ITSN1: variants seen among roughly 807,000 people sequenced by gnomAD.
ITSN1 encodes the protein intersectin-1.
Under a neutral mutation model 239.8 loss-of-function variants are expected in ITSN1, and 58 were observed. That is an observed-to-expected ratio of 0.24 (90% CI 0.20 to 0.30). The LOEUF (loss-of-function observed/expected upper bound fraction) is 0.30, where lower values mean the gene tolerates loss of function less well. Among genes scored for constraint, ITSN1 ranks in the 10% least tolerant of loss-of-function variants. The pLI is 1.00. For synonymous variants in ITSN1, 780 were observed against 770.8 expected (o/e 1.01, Z -0.20); for missense variants, 1,558 against 2,103.3 (o/e 0.74, Z 5.07).
chr21:33,761,277 A>G (rs1391138889), intron 8 of ITSN1, among the ~76,000 whole-genome samples: 2 of 152,166 alleles, frequency 1.3e-5, no homozygotes, highest in East Asian at 3.9e-4. Context: ...GGGTTTTGCC[A>G]TCTGGTCTTG....
rs535859847 is a variant in ITSN1 at position 33,782,082 on chromosome 21, A to G, written c.1773A>G (p.Lys591=). 3.7e-6 allele frequency: 6 copies of G among 1,614,024 alleles called. No homozygotes were observed. The South Asian group carries it at 5.5e-5, about 15-fold the overall frequency. Residue 591 remains lysine, a synonymous_variant, in exon 16 of 40, where the codon AAA becomes AAG. Transcript: ENST00000381318. Reference sequence around the variant, plus strand: ...GAGACCAACTGGATGAAGTGGAGAAAGAAACTAGATCAAAACTACAGGAGA... The same window carrying G: ...GAGACCAACTGGATGAAGTGGAGAAGGAAACTAGATCAAAACTACAGGAGA... The part of the protein sequence containing the change: ...HLRDQLDEVE[K]ETRSKLQEID...
At position 33,767,535 on chromosome 21, in the gene ITSN1, A is replaced by G. The variant is rs138179661; in HGVS notation, c.927-178A>G. Among the ~76,000 whole-genome samples, 712 of 152,306 alleles carry G rather than the reference A, an allele frequency of 4.7e-3. 4 individuals are homozygous for G. The highest frequency in any genetic ancestry group is 0.017 in the African/African-American group (694 of 41,562). ...GGCACTCAGAGTCTGATGACATTCC[A>G]ATATTCATTAAAAAACTCTTTGTAA... On this transcript the variant is annotated intron_variant, in intron 10 of 39. Transcript: ENST00000381318.
intron 33 of ITSN1, among the ~76,000 whole-genome samples, chr21:33,872,027 C>A (rs951579786): frequency 2.0e-5 from 3 of 152,308 alleles, no homozygotes; most frequent in Middle Eastern, 3.4e-3. Flanking sequence ...TCATTGAGAA[C>A]ACTTATGCGC....
chr21:33,841,749 A>G (rs1041011301), intron 29 of ITSN1, among the ~76,000 whole-genome samples: 5 of 152,184 alleles, frequency 3.3e-5, no homozygotes, highest in African/African-American at 1.2e-4. Flanking sequence ...TTTAGTTCCA[A>G]AAATACCCAA....
intron 11 of ITSN1, among the ~76,000 whole-genome samples, chr21:33,769,699 CTT>C (rs201243816): frequency 1.4e-5 from 2 of 145,504 alleles, no homozygotes; most frequent in Admixed American, 6.8e-5. Context: ...CTGTCTCTGC[CTT>C]TTTTTTTTTT....
Position 33,890,767 on chromosome 21 carries a change from C to G in ITSN1, c.*2467C>G, listed in dbSNP as rs1285535696. On this transcript the variant is annotated 3_prime_UTR_variant, in exon 40 of 40. Coordinates refer to ENST00000381318, the MANE Select transcript of ITSN1 (RefSeq NM_003024.3). ...TATATTTCATAGAAATTAAATGCTC[C>G]TTGCCAACAAGGAGTCTGTCTCCTA... The G allele has an allele frequency of 6.6e-6, 1 of 152,184 alleles. No homozygotes were observed. Among genetic ancestry groups the G allele is most frequent in the Admixed American group, 6.5e-5 (1 of 15,280 alleles). 9.4% of individuals were successfully genotyped at this position (152,184 alleles called of 1,614,324 possible).
At chr21:33,847,056 G>A (rs1158639665) in intron 29 of ITSN1, among the ~76,000 whole-genome samples, 1 of 152,194 alleles carries the variant, frequency 6.6e-6, no homozygotes, top group Admixed American at 6.5e-5. Flanking sequence ...AAATGTCATG[G>A]CTCAGGTTGC....
chr21:33,865,097 G>A lies in ITSN1; in HGVS notation c.3891-54G>A. ...TTTCTGTGCAACCTAAGTGTGCTGT[G>A]GTGCTGTCAGATAGCGTGAAAGCAG... is the stretch of plus-strand genomic sequence containing the variant. On this transcript the variant is annotated intron_variant, in intron 31 of 39. Coordinates refer to ENST00000381318, the MANE Select transcript of ITSN1 (RefSeq NM_003024.3). This position sits in a 1 kb window ranked among gnomAD's most constrained non-coding sequence, Gnocchi z 4.4. The A allele has an allele frequency of 2.6e-6, 4 of 1,539,584 alleles. No individual in the cohort carries two copies. Among genetic ancestry groups the A allele is most frequent in the Non-Finnish European group, 2.7e-6 (3 of 1,129,722 alleles).
Position 33,671,953 on chromosome 21 carries a change from G to A in ITSN1, c.-33+29240G>A, listed in dbSNP as rs539272067. On this transcript the variant is annotated intron_variant, in intron 1 of 39. Transcript: ENST00000381318. ...ATCATTTAAAAATTTAAAAAGAGTC[G>A]ATGTCTTGGCTGGGCACAGTGACTC... Among the ~76,000 whole-genome samples the A allele has an allele frequency of 4.6e-5, 7 of 152,020 alleles. No individual in the cohort carries two copies. The South Asian group carries it at 6.2e-4, about 14-fold the overall frequency.
chr21:33,661,880 G>T (rs2089587764), intron 1 of ITSN1, among the ~76,000 whole-genome samples: 1 of 151,816 alleles, frequency 6.6e-6, no homozygotes, highest in Non-Finnish European at 1.5e-5. Flanking sequence ...ACCTGTAACT[G>T]TGAGTCCATT....
At position 33,822,289 on chromosome 21, in the gene ITSN1, C is replaced by T. The variant is rs907534404; in HGVS notation, c.3017-1198C>T. The stretch of plus-strand genomic sequence containing the variant: ...TCCTGCAGAGGCTCTGATAATCAAC[C>T]GAAGGAGTTCTCCATAAAAAATTCC... On this transcript the variant is annotated intron_variant, in intron 24 of 39. Transcript: ENST00000381318. Among the ~76,000 whole-genome samples the T allele has an allele frequency of 4.6e-5, 7 of 152,138 alleles. No homozygotes were observed. The East Asian group carries it at 5.8e-4, about 13-fold the overall frequency.
At chr21:33,821,292 G>A (rs945630903) in intron 24 of ITSN1, among the ~76,000 whole-genome samples, 4 of 372 alleles carry the variant, frequency 0.011, no homozygotes, top group South Asian at 0.062. Flanking sequence ...ATTTATTACA[G>A]CCAATTTTGA....
At chr21:33,750,372 G>A (rs769038364) in intron 6 of ITSN1, 50 bp downstream of exon 6, 2 of 1,507,716 alleles carry the variant, frequency 1.3e-6, no homozygotes, top group Admixed American at 3.4e-5. Context: ...CTTGTATTTT[G>A]CTGTTCATTA....
intron 4 of ITSN1, among the ~76,000 whole-genome samples, chr21:33,725,655 A>G (rs2065790028): frequency 6.6e-6 from 1 of 152,210 alleles, no homozygotes; most frequent in African/African-American, 2.4e-5. Flanking sequence ...GCCCAAAGTC[A>G]GGTTTTTATA....
chr21:33,883,302 A>T (rs957642438), intron 35 of ITSN1, among the ~76,000 whole-genome samples: 7 of 152,194 alleles, frequency 4.6e-5, no homozygotes, highest in Non-Finnish European at 8.8e-5. Context: ...CTAACCCAAA[A>T]TTATTATTCT....
chr21:33,853,122 C>T (rs1978640617), intron 29 of ITSN1, among the ~76,000 whole-genome samples: 2 of 152,182 alleles, frequency 1.3e-5, no homozygotes, highest in African/African-American at 4.8e-5. Context: ...TGATTCCAAG[C>T]CAACATCATT....
At chr21:33,746,006 A>G (rs2067156104) in intron 5 of ITSN1, among the ~76,000 whole-genome samples, 1 of 152,222 alleles carries the variant, frequency 6.6e-6, no homozygotes, top group Non-Finnish European at 1.5e-5. Flanking sequence ...AGGAAGCCTT[A>G]CTGACTTGAG....
At chr21:33,867,987 T>C (rs1404683049) in intron 33 of ITSN1, among the ~76,000 whole-genome samples, 3 of 152,178 alleles carry the variant, frequency 2.0e-5, no homozygotes, top group Non-Finnish European at 4.4e-5. Flanking sequence ...ATAAAAGCAG[T>C]GTGGACCCAA....
intron 1 of ITSN1, among the ~76,000 whole-genome samples, chr21:33,671,745 T>G (rs1450887533): frequency 6.6e-6 from 1 of 151,596 alleles, no homozygotes; most frequent in African/African-American, 2.4e-5. Flanking sequence ...TGAGCTGAGA[T>G]TGCGCCATTG....
Sources: gnomAD v4.1 joint callset for allele counts (sites outside exome capture counted in the v4.1 genomes callset) on GRCh38, gnomAD v4.1.1 for gene constraint, Gnocchi (gnomAD v3.1) non-coding constraint, MANE v1.5 for transcripts, NCBI Gene and HGNC (gene_info 2026-07-23, HGNC 2026-07-21) for gene names.